CWF19L2: variants seen among roughly 807,000 people sequenced by gnomAD.
The protein encoded by CWF19L2 is CWF19-like protein 2.
A neutral mutation model predicts 111.7 loss-of-function variants in CWF19L2; 98 were observed. The observed-to-expected ratio is 0.88, with a 90% CI of 0.75 to 1.04. CWF19L2 has a LOEUF of 1.04. Among genes scored for constraint, CWF19L2 ranks in the 50% least tolerant of loss-of-function variants. The pLI, the probability that CWF19L2 is intolerant of heterozygous loss-of-function variation, is 0.00. For missense variants in CWF19L2, 1,101 were observed against 1,051.4 expected (o/e 1.05, Z -0.65); for synonymous variants, 351 against 342.9 (o/e 1.02, Z -0.26).
intron 12 of CWF19L2, among the ~76,000 whole-genome samples, chr11:107,386,262 C>T (rs1860765136): frequency 6.6e-6 from 1 of 152,118 alleles, no homozygotes; most frequent in Admixed American, 6.5e-5. Flanking sequence ...AATCCTCCCA[C>T]CTTGGCCTCC....
At chr11:107,358,246 G>T (rs865892757) in intron 12 of CWF19L2, among the ~76,000 whole-genome samples, 1 of 151,936 alleles carries the variant, frequency 6.6e-6, no homozygotes, top group Non-Finnish European at 1.5e-5. Context: ...GCTTACCACA[G>T]GGGTGCCCAA....
chr11:107,348,594 T>C (rs1860114123), intron 14 of CWF19L2: 1 of 156,254 alleles, frequency 6.4e-6, no homozygotes, highest in Non-Finnish European at 1.4e-5. Flanking sequence ...TCTGAAAACG[T>C]CTTTCCTTTC....
Position 107,369,832 on chromosome 11 carries a change from T to A in CWF19L2, c.1873-16096A>T, listed in dbSNP as rs921213577. The stretch of plus-strand genomic sequence containing the variant: ...AGCATAATTATAACTGTGGTGTTAG[T>A]CTTCACCTTATGTATTTACACTACA... On this transcript the variant is annotated intron_variant, in intron 12 of 17. Transcript: ENST00000282251. Among the ~76,000 whole-genome samples, 24 of 138,412 alleles carry A rather than the reference T, an allele frequency of 1.7e-4. 5 individuals carry two copies. The highest frequency in any genetic ancestry group is 2.8e-4 in the Non-Finnish European group (18 of 64,362). 90.8% of individuals were successfully genotyped at this position (138,412 alleles called of 152,430 possible). A position where few individuals can be genotyped will look rare whatever the true frequency, so the allele number is the denominator to read the frequency against.
intron 8 of CWF19L2, among the ~76,000 whole-genome samples, chr11:107,425,105 A>C (rs1861355460): frequency 6.6e-6 from 1 of 151,738 alleles, no homozygotes; most frequent in African/African-American, 2.4e-5. Context: ...TTACTGCTAT[A>C]TTTCAGAAGT....
At chr11:107,418,070 A>T in intron 9 of CWF19L2, 124 bp downstream of exon 9, 1 of 687,058 alleles carries the variant, frequency 1.5e-6, no homozygotes, top group Non-Finnish European at 2.6e-6. Context: ...TTCTTTAAGG[A>T]ATCAATAACC....
chr11:107,363,443 A>G (rs1255857981), intron 12 of CWF19L2, among the ~76,000 whole-genome samples: 1 of 152,066 alleles, frequency 6.6e-6, no homozygotes, highest in African/African-American at 2.4e-5. Flanking sequence ...TTACCCTCAA[A>G]GGGAAGCCCA....
intron 7 of CWF19L2, among the ~76,000 whole-genome samples, chr11:107,431,494 T>C (rs988625064): frequency 1.3e-5 from 2 of 152,060 alleles, no homozygotes; most frequent in South Asian, 2.1e-4. Context: ...AATTTATCTA[T>C]ACATTTAGTT....
At chr11:107,390,023 C>A in intron 12 of CWF19L2, 51 bp downstream of exon 12, 1 of 1,524,760 alleles carries the variant, frequency 6.6e-7, no homozygotes, top group Non-Finnish European at 9.0e-7. Context: ...CACTGTTACA[C>A]TGAATAATCA....
chr11:107,439,089 C>T lies in CWF19L2; in HGVS notation c.664+1G>A. The T allele has an allele frequency of 1.1e-6, 1 of 914,610 alleles. No homozygotes were observed. The highest frequency in any genetic ancestry group is 1.7e-6 in the Non-Finnish European group (1 of 595,582). 56.7% of individuals were successfully genotyped at this position (914,610 alleles called of 1,614,324 possible). A position where few individuals can be genotyped will look rare whatever the true frequency, so the allele number is the denominator to read the frequency against. On this transcript the variant is annotated splice_donor_variant, in intron 6 of 17. Coordinates refer to ENST00000282251, the MANE Select transcript of CWF19L2 (RefSeq NM_152434.3). LOFTEE classifies it high-confidence loss of function. ...TGTCTATAATCAAAATGTAGAAATACCTTTAGTAATCGATGACACACTACA... is the reference window on the plus strand; with the variant it reads ...TGTCTATAATCAAAATGTAGAAATATCTTTAGTAATCGATGACACACTACA...
In CWF19L2 at chr11:107,360,396, C is replaced by G. The variant is rs939843574; in HGVS notation, c.1873-6660G>C. On this transcript the variant is annotated intron_variant, in intron 12 of 17. Coordinates refer to ENST00000282251, the MANE Select transcript of CWF19L2 (RefSeq NM_152434.3). ...TTATCCAATCATCCACTGATAGACACAGGTTGATTACATTATCTTTAATCT... is the reference window on the plus strand; with the variant it reads ...TTATCCAATCATCCACTGATAGACAGAGGTTGATTACATTATCTTTAATCT... Among the ~76,000 whole-genome samples the G allele has an allele frequency of 4.6e-5, 7 of 152,178 alleles. No individual in the cohort carries two copies. In the South Asian group the frequency reaches 1.4e-3, roughly 32 times the overall value.
intron 13 of CWF19L2, among the ~76,000 whole-genome samples, chr11:107,350,137 T>A (rs948444661): frequency 1.3e-5 from 2 of 152,118 alleles, no homozygotes; most frequent in East Asian, 3.9e-4. Flanking sequence ...CTAAATAAAT[T>A]AGAACACACA....
intron 14 of CWF19L2, among the ~76,000 whole-genome samples, chr11:107,342,042 T>C (rs1352553652): frequency 1.3e-5 from 2 of 152,092 alleles, no homozygotes; most frequent in African/African-American, 4.8e-5. Flanking sequence ...ATGATTTTTC[T>C]GTTTTCAATT....
At chr11:107,388,853 T>C (rs1860808724) in intron 12 of CWF19L2, among the ~76,000 whole-genome samples, 1 of 152,178 alleles carries the variant, frequency 6.6e-6, no homozygotes, top group Non-Finnish European at 1.5e-5. Flanking sequence ...GCATTAAAAT[T>C]CCAGACCCTA....
chr11:107,409,402 C>T (rs545565966), intron 10 of CWF19L2, among the ~76,000 whole-genome samples: 1 of 152,046 alleles, frequency 6.6e-6, no homozygotes, highest in Non-Finnish European at 1.5e-5. Flanking sequence ...TGCAAAGGGA[C>T]CAAAATGCAT....
At chr11:107,352,641 T>C (rs1242328170) in intron 13 of CWF19L2, among the ~76,000 whole-genome samples, 1 of 152,118 alleles carries the variant, frequency 6.6e-6, no homozygotes, top group African/African-American at 2.4e-5. Flanking sequence ...AAAAATTATT[T>C]AATTTTGAAT....
intron 10 of CWF19L2, among the ~76,000 whole-genome samples, chr11:107,415,101 T>C (rs1861206866): frequency 6.6e-6 from 1 of 152,094 alleles, no homozygotes; most frequent in Non-Finnish European, 1.5e-5. Flanking sequence ...CCACCTATAG[T>C]CTCTCTAACC....
At chr11:107,412,395 T>C (rs1196268665) in intron 10 of CWF19L2, among the ~76,000 whole-genome samples, 2 of 152,094 alleles carry the variant, frequency 1.3e-5, no homozygotes, top group African/African-American at 2.4e-5. Context: ...GGCTGGAGTG[T>C]AGTGGCACAA....
chr11:107,433,053 T>A (rs1296624689), intron 7 of CWF19L2, among the ~76,000 whole-genome samples: 6 of 152,202 alleles, frequency 3.9e-5, no homozygotes, highest in African/African-American at 1.4e-4. Flanking sequence ...TCTACGAGTC[T>A]ACTTTAAAAC....
Position 107,454,580 on chromosome 11 carries a change from C to A in CWF19L2, c.217-8G>T. Reference sequence around the variant, plus strand: ...TTTCTTCACAGAGTGTTCCTACAATCATTTTGAACAGGCAAGAAAATAATT... The same window carrying A: ...TTTCTTCACAGAGTGTTCCTACAATAATTTTGAACAGGCAAGAAAATAATT... On this transcript the variant is annotated splice_region_variant and splice_polypyrimidine_tract_variant and intron_variant, in intron 2 of 17. Coordinates refer to ENST00000282251, the MANE Select transcript of CWF19L2 (RefSeq NM_152434.3). 7.4e-7 allele frequency: 1 copy of A among 1,345,350 alleles called. No individual in the cohort carries two copies. The highest frequency in any genetic ancestry group is 9.5e-7 in the Non-Finnish European group (1 of 1,047,182). 83.3% of individuals were successfully genotyped at this position (1,345,350 alleles called of 1,614,324 possible).
Sources: gnomAD v4.1 joint callset for allele counts (sites outside exome capture counted in the v4.1 genomes callset) on GRCh38, gnomAD v4.1.1 for gene constraint, MANE v1.5 for transcripts, NCBI Gene and HGNC (gene_info 2026-07-23, HGNC 2026-07-21) for gene names.